Variants in FAM184A observed in about 807,000 individuals in gnomAD.
FAM184A encodes the protein family with sequence similarity 184 member A.
FAM184A carries 99 observed loss-of-function variants against 143.8 expected under a neutral mutation model. That is an observed-to-expected ratio of 0.69 (90% CI 0.58 to 0.81). The LOEUF is 0.81. Among genes scored for constraint, FAM184A ranks in the 40% least tolerant of loss-of-function variants. The probability of loss-of-function intolerance (pLI) is 0.00; values close to 1 mark genes in which losing one functional copy is unlikely to be tolerated. For synonymous variants in FAM184A, 427 were observed against 446.4 expected (o/e 0.96, Z 0.55); for missense variants, 1,217 against 1,310.5 (o/e 0.93, Z 1.10).
chr6:118,990,997 T>C (rs1784360078), intron 9 of FAM184A, among the ~76,000 whole-genome samples: 1 of 152,024 alleles, frequency 6.6e-6, no homozygotes, highest in Non-Finnish European at 1.5e-5. Context: ...TATTCAACTA[T>C]GTATCTCACC....
chr6:119,095,513 A>C (rs958622537), intron 1 of FAM184A, among the ~76,000 whole-genome samples: 2 of 152,142 alleles, frequency 1.3e-5, no homozygotes, highest in African/African-American at 2.4e-5. Flanking sequence ...TCTCTCAGAG[A>C]GGATATTATA....
In FAM184A at chr6:119,115,970, AACACACACACAC is replaced by A. The variant is rs66707302; in HGVS notation, c.-202+33096_-202+33107del. Among the ~76,000 whole-genome samples the A allele has an allele frequency of 5.4e-3, 741 of 137,394 alleles. 3 individuals carry two copies. The highest frequency in any genetic ancestry group is 0.017 in the South Asian group (71 of 4,136). 90.1% of individuals were successfully genotyped at this position (137,394 alleles called of 152,430 possible). A position where few individuals can be genotyped will look rare whatever the true frequency, so the allele number is the denominator to read the frequency against. On this transcript the variant is annotated intron_variant, in intron 1 of 16. Transcript: ENST00000352896. ...GGTGACAGAGAAAGACTCCGTCTCA[AACACACACACAC>A]ACACACACACACACACACACACACA...
At chr6:119,135,519 A>G (rs181880892) in intron 1 of FAM184A, among the ~76,000 whole-genome samples, 1 of 152,366 alleles carries the variant, frequency 6.6e-6, no homozygotes, top group African/African-American at 2.4e-5. Flanking sequence ...TCAAAAAGAC[A>G]TAATTTAAAA....
At chr6:119,006,407 T>C in intron 7 of FAM184A, 40 bp downstream of exon 7, 1 of 1,590,720 alleles carries the variant, frequency 6.3e-7, no homozygotes, top group Non-Finnish European at 8.6e-7. Flanking sequence ...TCTATTTTTA[T>C]TTTGCCGCTG....
chr6:118,981,998 C>T (rs948020618), intron 9 of FAM184A, among the ~76,000 whole-genome samples: 1 of 152,110 alleles, frequency 6.6e-6, no homozygotes, highest in African/African-American at 2.4e-5. Flanking sequence ...CTCCTTATAC[C>T]TCTAAATGGC....
chr6:119,057,120 T>C (rs1787008628), intron 1 of FAM184A, among the ~76,000 whole-genome samples: 1 of 152,214 alleles, frequency 6.6e-6, no homozygotes, highest in East Asian at 1.9e-4. Flanking sequence ...GTAGTCTATC[T>C]TGAAACCAAT....
chr6:118,973,044 AG>A (rs1783741869), intron 14 of FAM184A, among the ~76,000 whole-genome samples: 1 of 152,226 alleles, frequency 6.6e-6, no homozygotes, highest in Admixed American at 6.5e-5. Context: ...ACCATTTCAA[AG>A]GCAACTTCAA....
intron 1 of FAM184A, among the ~76,000 whole-genome samples, chr6:119,068,092 G>A (rs187397776): frequency 4.9e-5 from 7 of 141,928 alleles, no homozygotes; most frequent in Non-Finnish European, 9.0e-5. Context: ...GTGCACCCAG[G>A]CTGGAGTGCA....
rs548226924 is a variant in FAM184A, at chr6:119,085,770, C to T, written c.-201-60957G>A. Among the ~76,000 whole-genome samples, 9 of 152,236 alleles carry T rather than the reference C, an allele frequency of 5.9e-5. 1 individual carries two copies. The highest frequency in any genetic ancestry group is 9.6e-5 in the African/African-American group (4 of 41,546). ...TCACAGTTCTGCAGGATGCAGAGGACGCATAGAAGCTTTTGCTTCTAGGGA... is the reference window on the plus strand; with the variant it reads ...TCACAGTTCTGCAGGATGCAGAGGATGCATAGAAGCTTTTGCTTCTAGGGA... On this transcript the variant is annotated intron_variant, in intron 1 of 16. Coordinates refer to the FAM184A transcript ENST00000352896.
At chr6:118,999,832 C>A (rs1029854015) in intron 9 of FAM184A, among the ~76,000 whole-genome samples, 1 of 152,180 alleles carries the variant, frequency 6.6e-6, no homozygotes, top group African/African-American at 2.4e-5. Context: ...GAGAGGTGCA[C>A]AATTAGCTAT....
chr6:119,128,409 G>A (rs1399846576), intron 1 of FAM184A, among the ~76,000 whole-genome samples: 3 of 152,178 alleles, frequency 2.0e-5, no homozygotes, highest in Admixed American at 6.5e-5. Flanking sequence ...TTGGGTAATT[G>A]CCTATCTGGA....
At chr6:118,984,992 C>T (rs1424055619) in intron 9 of FAM184A, among the ~76,000 whole-genome samples, 3 of 152,204 alleles carry the variant, frequency 2.0e-5, no homozygotes, top group Non-Finnish European at 2.9e-5. Context: ...AAGTCTCCTT[C>T]ATTCCCTTTC....
At chr6:119,042,044 G>A (rs1365770660) in intron 1 of FAM184A, among the ~76,000 whole-genome samples, 1 of 152,098 alleles carries the variant, frequency 6.6e-6, no homozygotes, top group Non-Finnish European at 1.5e-5. Context: ...CTGGTAACAG[G>A]ACCAAGGGTA....
chr6:118,990,561 C>A lies in FAM184A; in HGVS notation c.2089-10211G>T, dbSNP rs1214948883. On this transcript the variant is annotated intron_variant, in intron 9 of 17. Coordinates refer to ENST00000338891, the MANE Select transcript of FAM184A (RefSeq NM_024581.6). ...GTTTGTTAATACATAACTGAAGTAACCTTTTTCATTTAAAAATACTAATTA... is the reference window on the plus strand; with the variant it reads ...GTTTGTTAATACATAACTGAAGTAAACTTTTTCATTTAAAAATACTAATTA... Among the ~76,000 whole-genome samples the A allele has an allele frequency of 2.1e-5, 3 of 142,666 alleles. No individual in the cohort carries two copies. In the East Asian group the frequency reaches 6.5e-4, roughly 31 times the overall value. The allele number at this position is 142,666 out of a possible 152,430, so 93.6% of individuals were successfully genotyped here.
intron 9 of FAM184A, among the ~76,000 whole-genome samples, chr6:118,999,018 G>T (rs777338532): frequency 6.6e-6 from 1 of 152,210 alleles, no homozygotes; most frequent in Non-Finnish European, 1.5e-5. Flanking sequence ...AGAACTACAA[G>T]TGTCCTGGAA....
At chr6:118,969,372 A>G in intron 14 of FAM184A, among the ~76,000 whole-genome samples, 1 of 152,372 alleles carries the variant, frequency 6.6e-6, no homozygotes, top group Non-Finnish European at 1.5e-5. Context: ...ATAGGAAAAT[A>G]TAATTGATTA....
chr6:119,147,794 A>T (rs896687676), intron 1 of FAM184A, among the ~76,000 whole-genome samples: 4 of 152,208 alleles, frequency 2.6e-5, no homozygotes, highest in Non-Finnish European at 5.9e-5. Flanking sequence ...AGAGAAAGCC[A>T]AATCTGTACC....
intron 1 of FAM184A, among the ~76,000 whole-genome samples, chr6:119,090,454 G>A (rs141498491): frequency 6.6e-6 from 1 of 152,284 alleles, no homozygotes; most frequent in East Asian, 1.9e-4. Context: ...GTGCTTGAGG[G>A]AAAACTGTGG....
At chr6:119,051,601 A>G (rs1786768076) in intron 1 of FAM184A, among the ~76,000 whole-genome samples, 1 of 152,198 alleles carries the variant, frequency 6.6e-6, no homozygotes, top group Non-Finnish European at 1.5e-5. Context: ...TGCTTATTTC[A>G]TATTGCATCA....
Sources: allele counts gnomAD v4.1 joint callset (sites outside exome capture counted in the v4.1 genomes callset), GRCh38; gene constraint gnomAD v4.1.1; transcripts MANE v1.5; gene names NCBI Gene and HGNC (gene_info 2026-07-23, HGNC 2026-07-21).